Variants in LRRC1 observed in about 807,000 individuals in gnomAD.
LRRC1 encodes the protein leucine-rich repeat-containing protein 1.
Under a neutral mutation model 69.9 loss-of-function variants are expected in LRRC1, and 28 were observed. The ratio of observed to expected loss-of-function variants is 0.40; its 90% CI spans 0.30 to 0.55. The LOEUF is 0.55. Among genes scored for constraint, LRRC1 ranks in the 20% least tolerant of loss-of-function variants. LRRC1 has a pLI of 0.47. For missense variants in LRRC1, 498 were observed against 609.0 expected (o/e 0.82, Z 1.92); for synonymous variants, 236 against 240.2 (o/e 0.98, Z 0.16).
intron 1 of LRRC1, among the ~76,000 whole-genome samples, chr6:53,832,764 T>C (rs1765466794): frequency 6.6e-6 from 1 of 152,180 alleles, no homozygotes; most frequent in African/African-American, 2.4e-5. Flanking sequence ...AGTTGAATGA[T>C]CCTCTGTCAT....
chr6:53,808,310 G>C (rs72948202), intron 1 of LRRC1, among the ~76,000 whole-genome samples: 1 of 151,980 alleles, frequency 6.6e-6, no homozygotes, highest in East Asian at 1.9e-4. Context: ...TGATGGGGAG[G>C]GGGTAGCAGA....
chr6:53,850,954 T>A (rs552230355), intron 2 of LRRC1, among the ~76,000 whole-genome samples: 65 of 152,256 alleles, frequency 4.3e-4, no homozygotes, highest in Non-Finnish European at 6.8e-4. Flanking sequence ...GTACACCATT[T>A]CTATCAACAC....
chr6:53,811,411 A>G (rs945274424), intron 1 of LRRC1, among the ~76,000 whole-genome samples: 7 of 152,192 alleles, frequency 4.6e-5, no homozygotes, highest in Non-Finnish European at 2.9e-5. Context: ...CAGAAAGATA[A>G]TATGTCATTA....
chr6:53,913,826 A>G (rs1429600181), intron 10 of LRRC1, 28 bp from the exon 11 acceptor site: 1 of 1,519,590 alleles, frequency 6.6e-7, no homozygotes, highest in East Asian at 2.3e-5. Context: ...AAAACTGGAA[A>G]AAAGATGTAT....
intron 4 of LRRC1, among the ~76,000 whole-genome samples, chr6:53,895,214 G>T (rs577901313): frequency 6.6e-6 from 1 of 152,248 alleles, no homozygotes; most frequent in Admixed American, 6.5e-5. Context: ...CACCGCGCCC[G>T]GCTGGGAGTT....
intron 1 of LRRC1, among the ~76,000 whole-genome samples, chr6:53,840,492 T>C (rs1765747169): frequency 6.6e-6 from 1 of 152,070 alleles, no homozygotes; most frequent in Admixed American, 6.6e-5. Flanking sequence ...ATTGGTCGCA[T>C]GGTGGGCCCT....
intron 1 of LRRC1, among the ~76,000 whole-genome samples, chr6:53,823,816 T>C (rs4715426): frequency 0.83 from 125,895 of 152,132 alleles, 52,284 homozygotes; most frequent in East Asian, 0.92. Flanking sequence ...GCAAAGGACA[T>C]GATCTCATTC....
At chr6:53,818,125 T>A (rs951565488) in intron 1 of LRRC1, among the ~76,000 whole-genome samples, 1 of 152,216 alleles carries the variant, frequency 6.6e-6, no homozygotes, top group Non-Finnish European at 1.5e-5. Context: ...AGGCCACTCT[T>A]TTATTACCTT....
intron 1 of LRRC1, among the ~76,000 whole-genome samples, chr6:53,806,124 A>G (rs1299616166): frequency 6.6e-6 from 1 of 152,188 alleles, no homozygotes; most frequent in Admixed American, 6.5e-5. Flanking sequence ...TCCTGCAGGA[A>G]GCCCTCCCAT....
chr6:53,903,040 T>G (rs992574672), intron 9 of LRRC1, among the ~76,000 whole-genome samples: 1 of 152,142 alleles, frequency 6.6e-6, no homozygotes, highest in African/African-American at 2.4e-5. Context: ...TTGGATGTGT[T>G]GATGCCCCAG....
chr6:53,846,530 T>C (rs1765950249), intron 2 of LRRC1, among the ~76,000 whole-genome samples: 1 of 152,204 alleles, frequency 6.6e-6, no homozygotes, highest in Admixed American at 6.5e-5. Flanking sequence ...GCTCCCTGTA[T>C]GAGCCCAGTG....
chr6:53,910,810 C>G (rs918104638), intron 10 of LRRC1, among the ~76,000 whole-genome samples: 1 of 152,200 alleles, frequency 6.6e-6, no homozygotes, highest in African/African-American at 2.4e-5. Flanking sequence ...GCATCCGCTC[C>G]CTCCATCATA....
chr6:53,897,493 TG>T, intron 7 of LRRC1, 134 bp downstream of exon 7: 1 of 608,584 alleles, frequency 1.6e-6, no homozygotes. Context: ...AAGGCACATT[TG>T]GAAAAAACAT....
At chr6:53,855,264 T>G (rs1181247420) in intron 2 of LRRC1, among the ~76,000 whole-genome samples, 1 of 152,228 alleles carries the variant, frequency 6.6e-6, no homozygotes, top group African/African-American at 2.4e-5. Context: ...CCATGAACAT[T>G]AACAGTTGAT....
At chr6:53,831,066 A>T (rs1037716425) in intron 1 of LRRC1, among the ~76,000 whole-genome samples, 1 of 151,528 alleles carries the variant, frequency 6.6e-6, no homozygotes. Flanking sequence ...TTAAATTTTG[A>T]TTGTGGAAAT....
chr6:53,873,164 T>A lies in LRRC1; in HGVS notation c.278-5829T>A, dbSNP rs569631672. On this transcript the variant is annotated intron_variant, in intron 2 of 13. Coordinates refer to ENST00000370888, the MANE Select transcript of LRRC1 (RefSeq NM_018214.5). Reference sequence around the variant, plus strand: ...TATAGTTTTCATTGTAGAGATTTTTTACCTATTTGGTTAAATTTATTCTTA... The same window carrying A: ...TATAGTTTTCATTGTAGAGATTTTTAACCTATTTGGTTAAATTTATTCTTA... Among the ~76,000 whole-genome samples the A allele has an allele frequency of 8.7e-4, 133 of 152,340 alleles. 1 individual carries two copies. Among genetic ancestry groups the A allele is most frequent in the Admixed American group, 1.8e-3 (28 of 15,308 alleles).
chr6:53,883,466 T>TG (rs1287060047), intron 4 of LRRC1, among the ~76,000 whole-genome samples: 2 of 151,860 alleles, frequency 1.3e-5, no homozygotes, highest in African/African-American at 4.8e-5. Context: ...AGAGTGGGAG[T>TG]GGAGCTGGGA....
chr6:53,820,362 GGCTTGTTA>G (rs756413365), intron 1 of LRRC1, among the ~76,000 whole-genome samples: 1 of 149,510 alleles, frequency 6.7e-6, no homozygotes, highest in Non-Finnish European at 1.5e-5. Flanking sequence ...CTATTTCACA[GGCTTGTTA>G]AAAGGGTAAG....
chr6:53,896,607 T>A (rs1232746741), intron 5 of LRRC1, 53 bp downstream of exon 5: 2 of 1,523,814 alleles, frequency 1.3e-6, no homozygotes. Flanking sequence ...AATTTAAGTA[T>A]TTAAAAAAAC....
Sources: gnomAD v4.1 joint callset for allele counts (sites outside exome capture counted in the v4.1 genomes callset) on GRCh38, gnomAD v4.1.1 for gene constraint, MANE v1.5 for transcripts, NCBI Gene and HGNC (gene_info 2026-07-23, HGNC 2026-07-21) for gene names.